GLRA2: variants seen among roughly 807,000 people sequenced by gnomAD.
GLRA2 encodes the protein glycine receptor alpha 2.
In GLRA2, 11 loss-of-function variants were observed where a neutral mutation model predicts 31.6. That is an observed-to-expected ratio of 0.35 (90% CI 0.22 to 0.58). The LOEUF (loss-of-function observed/expected upper bound fraction) is 0.58, where lower values mean the gene tolerates loss of function less well. GLRA2 is among the 20% of genes least tolerant of loss of function. The pLI is 0.84. For synonymous variants in GLRA2, 132 were observed against 134.0 expected (o/e 0.99, Z 0.10); for missense variants, 212 against 351.8 (o/e 0.60, Z 3.18).
At chrX:14,677,421 T>C (rs1206158858) in intron 7 of GLRA2, among the ~76,000 whole-genome samples, 2 of 111,811 alleles carry the variant, frequency 1.8e-5, no homozygotes, top group East Asian at 2.8e-4. Context: ...AAAACACATA[T>C]GCATGAAGCG....
At chrX:14,565,363 TAAAAG>T (rs2089789542) in intron 2 of GLRA2, among the ~76,000 whole-genome samples, 1 of 111,858 alleles carries the variant, frequency 8.9e-6, no homozygotes, top group East Asian at 2.8e-4. Flanking sequence ...CAAAAATTGT[TAAAAG>T]AGACAAAGAA....
At chrX:14,666,703 C>G (rs2091041228) in intron 7 of GLRA2, among the ~76,000 whole-genome samples, 1 of 112,096 alleles carries the variant, frequency 8.9e-6, no homozygotes, top group Admixed American at 9.5e-5. Context: ...TTCTAAAGCA[C>G]TACCTACTTG....
chrX:14,582,372 C>G (rs1054835907), intron 4 of GLRA2, among the ~76,000 whole-genome samples: 27 of 109,301 alleles, frequency 2.5e-4, no homozygotes, highest in Middle Eastern at 4.7e-3. Flanking sequence ...CAATTTCATC[C>G]ATGTCCCTAC....
At chrX:14,685,928 C>G (rs2091271964) in intron 7 of GLRA2, among the ~76,000 whole-genome samples, 1 of 111,800 alleles carries the variant, frequency 8.9e-6, no homozygotes, top group African/African-American at 3.3e-5. Context: ...TAGATCTTTC[C>G]TGCTTTCTCT....
At chrX:14,481,035 T>C in the GLRA2 span, among the ~76,000 whole-genome samples, 1 of 111,590 alleles carries the variant, frequency 9.0e-6, no homozygotes, top group South Asian at 3.8e-4. Context: ...ATTTGTCTCA[T>C]CTATGGTTTC....
chrX:14,706,524 A>T (rs1187212886), intron 8 of GLRA2, among the ~76,000 whole-genome samples: 1 of 112,242 alleles, frequency 8.9e-6, no homozygotes, highest in African/African-American at 3.2e-5. Flanking sequence ...TTTAATTGTG[A>T]AAGATTTCAA....
At chrX:14,520,120 GA>G in the GLRA2 span, among the ~76,000 whole-genome samples, 3 of 112,002 alleles carry the variant, frequency 2.7e-5, no homozygotes, top group African/African-American at 9.7e-5. Flanking sequence ...AGGCAATCCA[GA>G]AGAGGCATTT....
upstream of GLRA2, among the ~76,000 whole-genome samples, chrX:14,524,977 C>T (rs2089182961): frequency 9.0e-6 from 1 of 110,636 alleles, no homozygotes; most frequent in South Asian, 3.8e-4. Flanking sequence ...TAAACTTACA[C>T]AAACTATAGA....
At chrX:14,656,535 T>C (rs1306313863) in intron 7 of GLRA2, among the ~76,000 whole-genome samples, 1 of 112,236 alleles carries the variant, frequency 8.9e-6, no homozygotes, top group African/African-American at 3.2e-5. Flanking sequence ...ATTTATGTCC[T>C]GGCCCTGTAA....
the GLRA2 span, among the ~76,000 whole-genome samples, chrX:14,504,539 GCT>G: frequency 1.8e-5 from 2 of 111,541 alleles, no homozygotes; most frequent in Admixed American, 1.9e-4. Flanking sequence ...AGTCCACAAG[GCT>G]CTCCCCACAG....
At chrX:14,558,135 A>G (rs759857197) in intron 2 of GLRA2, among the ~76,000 whole-genome samples, 64 of 112,223 alleles carry the variant, frequency 5.7e-4, no homozygotes, top group African/African-American at 2.0e-3. Flanking sequence ...GTAGTCTCCA[A>G]GATTTCAGTT....
rs983877853 is a variant in GLRA2 at position 14,540,915 on chromosome X, G to A, written c.202+8543G>A. On this transcript the variant is annotated intron_variant, in intron 2 of 8. Coordinates refer to ENST00000218075, the MANE Select transcript of GLRA2 (RefSeq NM_002063.4). ...AAGGGAGGGGGCACTAGAAATAAAG[G>A]GAGAGAGACAGGAAGAGACAGAGGG... 4.6e-5 allele frequency among the ~76,000 whole-genome samples: 5 copies of A among 108,531 alleles called. 1 individual carries two copies. The South Asian group carries it at 2.1e-3, about 45-fold the overall frequency. 94.2% of individuals were successfully genotyped at this position (108,531 alleles called of 115,157 possible). A position where few individuals can be genotyped will look rare whatever the true frequency, so the allele number is the denominator to read the frequency against.
intron 7 of GLRA2, among the ~76,000 whole-genome samples, chrX:14,649,688 C>T (rs1023999552): frequency 3.6e-5 from 4 of 111,441 alleles, no homozygotes; most frequent in Non-Finnish European, 7.5e-5. Context: ...AAGTCCAAGA[C>T]GCAATACATG....
intron 4 of GLRA2, among the ~76,000 whole-genome samples, chrX:14,584,326 G>A (rs2147069529): frequency 9.0e-6 from 1 of 111,661 alleles, no homozygotes; most frequent in South Asian, 3.8e-4. Flanking sequence ...TACTGTATAT[G>A]AGAGACAGTA....
At chrX:14,453,494 T>C in the GLRA2 span, among the ~76,000 whole-genome samples, 2 of 111,679 alleles carry the variant, frequency 1.8e-5, no homozygotes, top group Non-Finnish European at 1.9e-5. Context: ...TCAACATCTA[T>C]TATAATAGAT....
chrX:14,460,428 A>T, the GLRA2 span, among the ~76,000 whole-genome samples: 1 of 111,777 alleles, frequency 8.9e-6, no homozygotes, highest in Non-Finnish European at 1.9e-5. Flanking sequence ...TATTGATCGG[A>T]ATAATTTCAG....
At chrX:14,472,213 T>G in the GLRA2 span, among the ~76,000 whole-genome samples, 1 of 112,040 alleles carries the variant, frequency 8.9e-6, no homozygotes, top group Non-Finnish European at 1.9e-5. Flanking sequence ...CTGAACACTG[T>G]CTCTCCTGAG....
At chrX:14,484,764 G>C in the GLRA2 span, among the ~76,000 whole-genome samples, 1 of 111,701 alleles carries the variant, frequency 9.0e-6, no homozygotes. Flanking sequence ...TGTCATCTCT[G>C]AAGGGCACAT....
At position 14,730,464 on chromosome X, in the gene GLRA2, T is replaced by C. The variant is rs920343244; in HGVS notation, c.1338T>C (p.His446=). 5 of 1,203,794 alleles carry C rather than the reference T, an allele frequency of 4.2e-6. No homozygotes were observed. Among genetic ancestry groups the C allele is most frequent in the Non-Finnish European group, 5.6e-6 (5 of 891,318 alleles). Reference sequence around the variant, plus strand: ...GGATCACATACAAGATCATTCGGCATGAAGATGTCCACAAGAAATAGATGT... The same window carrying C: ...GGATCACATACAAGATCATTCGGCACGAAGATGTCCACAAGAAATAGATGT... ...FYWITYKIIR[H]EDVHKK Residue 446 remains histidine, a synonymous_variant, in exon 9 of 9, where the codon CAT becomes CAC. Coordinates refer to ENST00000218075, the MANE Select transcript of GLRA2 (RefSeq NM_002063.4).
Sources: allele counts gnomAD v4.1 joint callset (sites outside exome capture counted in the v4.1 genomes callset), GRCh38; gene constraint gnomAD v4.1.1; transcripts MANE v1.5; gene names NCBI Gene and HGNC (gene_info 2026-07-23, HGNC 2026-07-21).